The following BRD10 variants were observed in gnomAD, a reference collection of about 807,000 sequenced individuals.
BRD10 encodes bromodomain containing 10.
chr9:5,887,650 C>T, the BRD10 span, among the ~76,000 whole-genome samples: 1 of 152,198 alleles, frequency 6.6e-6, no homozygotes, highest in Non-Finnish European at 1.5e-5. Context: ...TCAGGCATAA[C>T]CCTGAAATTC....
At chr9:5,904,278 G>A in the BRD10 span, among the ~76,000 whole-genome samples, 2 of 152,160 alleles carry the variant, frequency 1.3e-5, 1 homozygote, top group South Asian at 4.1e-4. Context: ...CTTTTAATTG[G>A]TGCATTTAGA....
At chr9:5,990,978 T>C in the BRD10 span, among the ~76,000 whole-genome samples, 8 of 152,196 alleles carry the variant, frequency 5.3e-5, no homozygotes, top group Non-Finnish European at 1.2e-4. Context: ...TTTTTCAATA[T>C]GAGACAGATT....
At chr9:5,990,527 T>C in the BRD10 span, among the ~76,000 whole-genome samples, 1 of 152,226 alleles carries the variant, frequency 6.6e-6, no homozygotes, top group Non-Finnish European at 1.5e-5. Context: ...ATTTCAGTTT[T>C]ATAAGTAGAT....
At chr9:6,002,780 G>A in the BRD10 span, among the ~76,000 whole-genome samples, 1 of 151,212 alleles carries the variant, frequency 6.6e-6, no homozygotes, top group African/African-American at 2.4e-5. Context: ...AGGTTTGAGT[G>A]ATTCTCATGC....
the BRD10 span, chr9:5,954,175 G>C: frequency 1.1e-5 from 8 of 753,460 alleles, no homozygotes; most frequent in East Asian, 2.7e-5. Flanking sequence ...GCAGATCCTT[G>C]AAAGTTAAAT....
At chr9:5,935,698 G>C in the BRD10 span, among the ~76,000 whole-genome samples, 2 of 152,218 alleles carry the variant, frequency 1.3e-5, no homozygotes, top group Non-Finnish European at 2.9e-5. Flanking sequence ...GCATAAGAGG[G>C]GCATAAAAAG....
chr9:5,914,409 G>GTTTATTT, the BRD10 span, among the ~76,000 whole-genome samples: 1 of 106,924 alleles, frequency 9.4e-6, no homozygotes, highest in Non-Finnish European at 1.8e-5. Flanking sequence ...AAATCCAGAT[G>GTTTATTT]GTTTTTTTTT....
At chr9:5,966,566 T>A in the BRD10 span, among the ~76,000 whole-genome samples, 1 of 141,786 alleles carries the variant, frequency 7.1e-6, no homozygotes, top group Non-Finnish European at 1.5e-5. Flanking sequence ...TTGAAGCAAT[T>A]CTCCTGCCTT....
the BRD10 span, among the ~76,000 whole-genome samples, chr9:5,958,973 C>G: frequency 2.6e-5 from 4 of 152,110 alleles, no homozygotes; most frequent in Non-Finnish European, 4.4e-5. Flanking sequence ...TTGACCTTAA[C>G]AAAACAGTTT....
At chr9:5,891,306 T>C in the BRD10 span, 1 of 152,224 alleles carries the variant, frequency 6.6e-6, no homozygotes, top group Non-Finnish European at 1.5e-5. Flanking sequence ...GTTTGAGGTA[T>C]GGGATGTATT....
At chr9:5,922,014 T>G in the BRD10 span, 10 of 1,613,818 alleles carry the variant, frequency 6.2e-6, no homozygotes, top group Non-Finnish European at 7.6e-6. Flanking sequence ...GAGGAAGAAG[T>G]TGTTGATTTT....
chr9:5,916,813 TGTG>T, the BRD10 span, among the ~76,000 whole-genome samples: 1 of 152,130 alleles, frequency 6.6e-6, no homozygotes, highest in Non-Finnish European at 1.5e-5. Context: ...CAGGTGGCAT[TGTG>T]GTGACGTTTC....
At chr9:5,916,083 G>C in the BRD10 span, among the ~76,000 whole-genome samples, 1 of 152,184 alleles carries the variant, frequency 6.6e-6, no homozygotes, top group Non-Finnish European at 1.5e-5. Context: ...GCTGTGGATA[G>C]TAAATGCTTG....
the BRD10 span, among the ~76,000 whole-genome samples, chr9:5,895,278 C>T: frequency 4.6e-5 from 7 of 152,140 alleles, no homozygotes; most frequent in African/African-American, 1.7e-4. Context: ...TAAGTAACTG[C>T]ACATGGCCAC....
chr9:5,919,697 C>G, the BRD10 span: 41 of 1,609,036 alleles, frequency 2.5e-5, no homozygotes, highest in Middle Eastern at 1.6e-4. Flanking sequence ...AGATGCAGCT[C>G]TGTCAGGCTT....
the BRD10 span, among the ~76,000 whole-genome samples, chr9:5,985,904 T>C: frequency 9.2e-5 from 14 of 152,134 alleles, no homozygotes; most frequent in Middle Eastern, 3.2e-3. Context: ...GGAAACTAGA[T>C]GGCATTTATG....
At chr9:5,929,113 G>A in the BRD10 span, 2 of 1,608,156 alleles carry the variant, frequency 1.2e-6, no homozygotes, top group African/African-American at 1.3e-5. Context: ...ACGTATCAAT[G>A]TACTATGTAA....
At chr9:5,922,649 T>A in the BRD10 span, 18 of 1,613,856 alleles carry the variant, frequency 1.1e-5, no homozygotes, top group Non-Finnish European at 1.3e-5. Flanking sequence ...TGCTTTTCCT[T>A]CTTTATGCTG....
At chr9:5,920,257 T>C in the BRD10 span, 8 of 1,613,738 alleles carry the variant, frequency 5.0e-6, no homozygotes, top group Non-Finnish European at 6.8e-6. Flanking sequence ...GATTAGTAGA[T>C]ATAAGGAGAA....
Sources: gnomAD v4.1 joint callset for allele counts (sites outside exome capture counted in the v4.1 genomes callset) on GRCh38, gnomAD v4.1.1 for gene constraint, MANE v1.5 for transcripts, NCBI Gene and HGNC (gene_info 2026-07-23, HGNC 2026-07-21) for gene names.